PC: variants seen among roughly 807,000 people sequenced by gnomAD.
The protein encoded by PC is pyruvate carboxylase, also known as pyruvate carboxylase, mitochondrial.
PC carries 46 observed loss-of-function variants against 107.8 expected under a neutral mutation model. That is an observed-to-expected ratio of 0.43 (90% CI 0.34 to 0.55). PC has a LOEUF of 0.55. PC is among the 20% of genes least tolerant of loss of function. The pLI is 0.04. For missense variants in PC, 1,241 were observed against 1,643.1 expected (o/e 0.76, Z 4.23); for synonymous variants, 662 against 684.7 (o/e 0.97, Z 0.52).
chr11:66,939,253 A>G (rs1349566855), intron 3 of PC, among the ~76,000 whole-genome samples: 1 of 152,238 alleles, frequency 6.6e-6, no homozygotes, highest in African/African-American at 2.4e-5. Flanking sequence ...TGGCATTTAC[A>G]TTGGATTGGG....
intron 3 of PC, among the ~76,000 whole-genome samples, chr11:66,917,622 T>A (rs749722681): frequency 9.2e-5 from 14 of 152,204 alleles, no homozygotes; most frequent in Non-Finnish European, 2.1e-4. Context: ...TCCTCAATCT[T>A]GTCTTGTGTA....
intron 11 of PC, among the ~76,000 whole-genome samples, chr11:66,865,392 A>G (rs1172222451): frequency 6.6e-6 from 1 of 152,222 alleles, no homozygotes; most frequent in Non-Finnish European, 1.5e-5. Flanking sequence ...CTGGATAGGG[A>G]GCAAGTCCCT....
intron 12 of PC, chr11:66,859,722 C>T: frequency 6.2e-7 from 1 of 1,611,494 alleles, no homozygotes; most frequent in African/African-American, 1.3e-5. Context: ...GGCCTTGTCA[C>T]CGGCCGCTGG....
chr11:66,884,208 C>T (rs958284280), intron 3 of PC, among the ~76,000 whole-genome samples: 2 of 150,064 alleles, frequency 1.3e-5, no homozygotes, highest in African/African-American at 4.9e-5. Flanking sequence ...CGTGCTATTG[C>T]ACTCCAGCCT....
chr11:66,893,161 C>A (rs1229507767), intron 3 of PC, among the ~76,000 whole-genome samples: 1 of 152,240 alleles, frequency 6.6e-6, no homozygotes, highest in Non-Finnish European at 1.5e-5. Context: ...GCACGACTCA[C>A]TCCCACGGGC....
Position 66,850,690 on chromosome 11 carries a change from C to A in PC, c.2457G>T (p.Gly819=), listed in dbSNP as rs1226087999. The A allele has an allele frequency of 6.2e-7, 1 of 1,610,134 alleles. No individual in the cohort carries two copies. Among genetic ancestry groups the A allele is most frequent in the East Asian group, 2.2e-5 (1 of 44,874 alleles). ...SMGALVACTR[G]TPLDTEVPME... ...TCTTCCTACCTGTGTCCAGGGGAGT[C>A]CCTCTGGTACAGGCCACCAGGGCCC... Residue 819 remains glycine, a synonymous_variant, in exon 18 of 23, where the codon GGG becomes GGT. Transcript: ENST00000393960.
Position 66,852,201 on chromosome 11 carries a change from T to C in PC, c.1825+238A>G, listed in dbSNP as rs1200315895. On this transcript the variant is annotated intron_variant, in intron 15 of 22. Coordinates refer to ENST00000393960, the MANE Select transcript of PC (RefSeq NM_001040716.2). This position sits in a 1 kb window ranked among gnomAD's most constrained non-coding sequence, Gnocchi z 4.7. The stretch of plus-strand genomic sequence containing the variant: ...TCTCCTCTACCTCTCTGTGCTATAA[T>C]TAACAGGCAGGTGTCTCCTCCTGAC... 6.6e-6 allele frequency among the ~76,000 whole-genome samples: 1 copy of C among 152,240 alleles called. No homozygotes were observed. The highest frequency in any genetic ancestry group is 2.4e-5 in the African/African-American group (1 of 41,466).
intron 3 of PC, among the ~76,000 whole-genome samples, chr11:66,925,214 C>T (rs1220632005): frequency 1.3e-5 from 2 of 152,160 alleles, no homozygotes; most frequent in Admixed American, 1.3e-4. Flanking sequence ...TATCAGGAGA[C>T]ATGGTTTGAG....
intron 3 of PC, among the ~76,000 whole-genome samples, chr11:66,906,715 G>A (rs990924791): frequency 2.0e-5 from 3 of 152,030 alleles, no homozygotes; most frequent in Admixed American, 6.6e-5. Flanking sequence ...ACCTGGCAGG[G>A]AGCCTGGCCC....
Position 66,852,584 on chromosome 11 carries a change from G to A in PC, c.1680C>T (p.His560=). ...PEGFARAVRN[H]PGLLLMDTTF... is the part of the protein sequence containing the mutation. ...TCGTGTCCATCAGCAGCAGCCCCGG[G>A]TGGTTCCGCACAGCTCGAGCAAAGC... Residue 560 remains histidine (H), a synonymous_variant, in exon 15 of 23, where the codon CAC becomes CAT. Transcript: ENST00000393960. The surrounding 1 kb of genome is among the most constrained non-coding windows in gnomAD (Gnocchi z 4.7). The A allele has an allele frequency of 6.2e-6, 10 of 1,614,040 alleles. No homozygotes were observed. The highest frequency in any genetic ancestry group is 8.5e-6 in the Non-Finnish European group (10 of 1,180,028).
chr11:66,878,648 GC>G (rs907822576), intron 3 of PC, among the ~76,000 whole-genome samples: 33 of 152,366 alleles, frequency 2.2e-4, no homozygotes, highest in African/African-American at 7.5e-4. Context: ...GCTGTGGGCA[GC>G]GGGGGGCACA....
intron 3 of PC, among the ~76,000 whole-genome samples, chr11:66,914,369 G>A (rs1047241445): frequency 6.6e-6 from 1 of 152,044 alleles, no homozygotes; most frequent in Non-Finnish European, 1.5e-5. Context: ...AAAATTAGCT[G>A]GGCGTGGTGG....
chr11:66,884,861 A>G (rs1435947152), intron 3 of PC, among the ~76,000 whole-genome samples: 1 of 152,186 alleles, frequency 6.6e-6, no homozygotes, highest in African/African-American at 2.4e-5. Flanking sequence ...CAAAGACTCA[A>G]TTCTAAACAG....
At chr11:66,861,542 G>T (rs1420562923) in intron 12 of PC, among the ~76,000 whole-genome samples, 1 of 152,234 alleles carries the variant, frequency 6.6e-6, no homozygotes, top group Non-Finnish European at 1.5e-5. Flanking sequence ...TGCAGCTAGA[G>T]GTGGGCTTCG....
At chr11:66,902,971 C>T (rs1261838353) in intron 3 of PC, among the ~76,000 whole-genome samples, 1 of 152,230 alleles carries the variant, frequency 6.6e-6, no homozygotes, top group Non-Finnish European at 1.5e-5. Context: ...GGCGCCTACC[C>T]GCTACACCAC....
chr11:66,957,739 C>T (rs991568258), intron 1 of PC: 2 of 152,284 alleles, frequency 1.3e-5, no homozygotes, highest in African/African-American at 2.4e-5. Context: ...CCCAGCCCCA[C>T]CTCCTGAATG....
chr11:66,907,059 C>G (rs541856395), intron 3 of PC, among the ~76,000 whole-genome samples: 1 of 152,200 alleles, frequency 6.6e-6, no homozygotes, highest in African/African-American at 2.4e-5. Flanking sequence ...GCACAGCACA[C>G]GAAGGGCCGG....
At chr11:66,941,617 G>A (rs758762222) in intron 3 of PC, among the ~76,000 whole-genome samples, 14 of 152,028 alleles carry the variant, frequency 9.2e-5, no homozygotes, top group Non-Finnish European at 1.9e-4. Context: ...TCAACCTTCC[G>A]AGTAGCTGAG....
chr11:66,853,076 G>A, intron 13 of PC, 163 bp downstream of exon 13: 1 of 772,918 alleles, frequency 1.3e-6, no homozygotes, highest in Non-Finnish European at 2.1e-6. Context: ...GCAGTGAATG[G>A]CAGGGTGCAG....
Sources: allele counts gnomAD v4.1 joint callset (sites outside exome capture counted in the v4.1 genomes callset), GRCh38; gene constraint gnomAD v4.1.1; non-coding constraint Gnocchi (gnomAD v3.1); transcripts MANE v1.5; gene names NCBI Gene and HGNC (gene_info 2026-07-23, HGNC 2026-07-21).